PATL1: variants seen among roughly 807,000 people sequenced by gnomAD.
PATL1 encodes protein PAT1 homolog 1.
A neutral mutation model predicts 100.6 loss-of-function variants in PATL1; 32 were observed. The observed-to-expected ratio is 0.32, with a 90% CI of 0.24 to 0.43. The LOEUF is 0.43. PATL1 is among the 20% of genes least tolerant of loss of function. PATL1 has a pLI of 1.00. For missense variants in PATL1, 747 were observed against 949.9 expected, an observed-to-expected ratio of 0.79 and a Z score of 2.81; for synonymous variants, 332 against 330.0, an observed-to-expected ratio of 1.01 and a Z score of -0.07.
chr11:59,652,457 A>C lies in PATL1; in HGVS notation c.1426+7T>G, dbSNP rs1164208299. 1 of 1,604,512 alleles carries C rather than the reference A, an allele frequency of 6.2e-7. No homozygotes were observed. Among genetic ancestry groups the C allele is most frequent in the African/African-American group, 1.3e-5 (1 of 74,192 alleles). On this transcript the variant is annotated splice_region_variant and intron_variant, in intron 11 of 18. Coordinates refer to ENST00000300146, the MANE Select transcript of PATL1 (RefSeq NM_152716.3). ...TATTATGGGCATTTTTCTTATGAGGACCTTACCTGGCTTATAGGCGTGCTC... is the reference window on the plus strand; with the variant it reads ...TATTATGGGCATTTTTCTTATGAGGCCCTTACCTGGCTTATAGGCGTGCTC...
At chr11:59,666,757 T>C in intron 2 of PATL1, 96 bp downstream of exon 2, 2 of 1,286,918 alleles carry the variant, frequency 1.6e-6, no homozygotes, top group South Asian at 1.6e-5. Flanking sequence ...AGTTAGTGAA[T>C]AAGGTTACCC....
intron 2 of PATL1, 139 bp from the exon 3 acceptor site, chr11:59,659,608 C>T (rs974648376): frequency 1.0e-4 from 77 of 741,456 alleles, no homozygotes; most frequent in Non-Finnish European, 1.4e-4. Context: ...CTCGGCTCAC[C>T]GCAACCTCCA....
Position 59,658,916 on chromosome 11 carries a change from A to C in PATL1, c.376T>G (p.Trp126Gly). ...PQPGSLNSSI[W>G]DGSEVLRRIR... ...CGCCTCAGAACTTCAGATCCATCCC[A>C]GATACTGGAATTCAGACTTCCTGGT... The change falls in exon 4 of 19, where the codon TGG becomes GGG. Residue 126 changes from tryptophan to glycine, a missense_variant. By Grantham distance (184) the Trp-to-Gly change is radical. Transcript: ENST00000300146. 1 of 1,550,370 alleles carries C rather than the reference A, an allele frequency of 6.5e-7. No individual in the cohort carries two copies. The highest frequency in any genetic ancestry group is 8.7e-7 in the Non-Finnish European group (1 of 1,146,706).
rs1861487020 is a variant in PATL1 at position 59,654,082 on chromosome 11, A to G, written c.1032-10T>C. 1 of 1,608,046 alleles carries G rather than the reference A, an allele frequency of 6.2e-7. No homozygotes were observed. The highest frequency in any genetic ancestry group is 8.5e-7 in the Non-Finnish European group (1 of 1,174,576). ...CATTGGGGCCTGAGATCTAAGAAAAACGGAAAAGAGGTTCTCAGTTTGGTC... is the reference window on the plus strand; with the variant it reads ...CATTGGGGCCTGAGATCTAAGAAAAGCGGAAAAGAGGTTCTCAGTTTGGTC... On this transcript the variant is annotated splice_polypyrimidine_tract_variant and intron_variant, in intron 8 of 18. Transcript: ENST00000300146.
At position 59,652,064 on chromosome 11, in the gene PATL1, C is replaced by CAAAAAAAAAAAAAAAAAAAAAAAAAAA. The variant is rs748019832; in HGVS notation, c.1426+373_1426+399dup. Among the ~76,000 whole-genome samples the CAAAAAAAAAAAAAAAAAAAAAAAAAAA allele has an allele frequency of 9.1e-4, 48 of 52,994 alleles. 3 individuals are homozygous for CAAAAAAAAAAAAAAAAAAAAAAAAAAA. The highest frequency in any genetic ancestry group is 1.5e-3 in the Admixed American group (4 of 2,758). 34.8% of individuals were successfully genotyped at this position (52,994 alleles called of 152,430 possible). A position where few individuals can be genotyped will look rare whatever the true frequency, so the allele number is the denominator to read the frequency against. ...TGGACAACAGAGTAAGGCTCTTTCT[C>CAAAAAAAAAAAAAAAAAAAAAAAAAAA]AAAAAAAAAAAAAAAAAAAAAAAAA... is the stretch of plus-strand genomic sequence containing the variant. On this transcript the variant is annotated intron_variant, in intron 11 of 18. Coordinates refer to ENST00000300146, the MANE Select transcript of PATL1 (RefSeq NM_152716.3).
chr11:59,653,911 A>G (rs1861483998), intron 9 of PATL1, 72 bp downstream of exon 9: 10 of 1,340,062 alleles, frequency 7.5e-6, no homozygotes, highest in Non-Finnish European at 1.1e-5. Context: ...AAACAACTAA[A>G]TAGCATGTTG....
intron 1 of PATL1, among the ~76,000 whole-genome samples, 161 bp downstream of exon 1, chr11:59,668,720 G>A (rs1385833223): frequency 6.6e-6 from 1 of 152,090 alleles, no homozygotes; most frequent in African/African-American, 2.4e-5. Flanking sequence ...CCAGCCCTAG[G>A]ATTAGACCCG....
rs766559124 is a variant in PATL1 at position 59,650,792 on chromosome 11, G to T, written c.1546C>A (p.Arg516=). The T allele has an allele frequency of 5.1e-6, 8 of 1,554,904 alleles. No homozygotes were observed. The Middle Eastern group carries it at 6.7e-4, about 130-fold the overall frequency. ...EDDETKEKQV[R]DKRRKTLVII... is the part of the protein sequence containing the mutation. ...ACAAGGGTTTTTCTCCTCTTGTCTC[G>T]AACTTGTTTTTCTTTTGTCTCCTAA... Residue 516 remains arginine, a synonymous_variant, in exon 13 of 19, where the codon CGA becomes AGA. Coordinates refer to ENST00000300146, the MANE Select transcript of PATL1 (RefSeq NM_152716.3).
chr11:59,657,844 A>T (rs1861558783), intron 4 of PATL1, 120 bp from the exon 5 acceptor site: 1 of 816,870 alleles, frequency 1.2e-6, no homozygotes, highest in African/African-American at 1.7e-5. Context: ...TTTTTAATTC[A>T]CATATAGTAA....
intron 9 of PATL1, among the ~76,000 whole-genome samples, chr11:59,653,295 G>C (rs1188989328): frequency 6.6e-6 from 1 of 152,054 alleles, no homozygotes; most frequent in Non-Finnish European, 1.5e-5. Flanking sequence ...AACTCTGTGA[G>C]GTAGGTAGTT....
chr11:59,647,703 C>T, intron 15 of PATL1, 51 bp downstream of exon 15: 8 of 1,576,266 alleles, frequency 5.1e-6, no homozygotes, highest in Middle Eastern at 2.0e-4. Flanking sequence ...TTCTAGAAAT[C>T]TTATCACTTA....
intron 16 of PATL1, among the ~76,000 whole-genome samples, chr11:59,641,518 C>T (rs549875397): frequency 6.6e-6 from 1 of 152,052 alleles, no homozygotes; most frequent in Non-Finnish European, 1.5e-5. Flanking sequence ...TTTGGGAGGT[C>T]GAGGCAGGCT....
rs59164990 is a variant in PATL1 at position 59,652,428 on chromosome 11, C to A, written c.1426+36G>T. On this transcript the variant is annotated intron_variant, in intron 11 of 18. Transcript: ENST00000300146. ...ATCACATCAGCAGCTTCTCAAATTT[C>A]TTTTATTATGGGCATTTTTCTTATG... 1.3e-3 allele frequency: 2,045 copies of A among 1,582,272 alleles called. 24 individuals carry two copies. In the African/African-American group the frequency reaches 0.023, roughly 18 times the overall value.
chr11:59,662,621 G>A (rs910959156), intron 2 of PATL1, among the ~76,000 whole-genome samples: 7 of 152,156 alleles, frequency 4.6e-5, no homozygotes, highest in Admixed American at 3.9e-4. Context: ...GCTGGGACAG[G>A]ATAAATTGTT....
At position 59,637,149 on chromosome 11, in the gene PATL1, AAATT is replaced by A; in HGVS notation, c.*1237_*1240del. ...GCAGAAAGATCACGAAGGCCATGTAAAATTAATTCAGATTTAATTTTCTTCAGGG... is the reference window on the plus strand; with the variant it reads ...GCAGAAAGATCACGAAGGCCATGTAAAATTCAGATTTAATTTTCTTCAGGG... On this transcript the variant is annotated 3_prime_UTR_variant, in exon 19 of 19. Transcript: ENST00000300146. The A allele has an allele frequency of 6.5e-6, 1 of 152,698 alleles. No individual in the cohort carries two copies. The highest frequency in any genetic ancestry group is 6.5e-5 in the Admixed American group (1 of 15,292). 9.5% of individuals were successfully genotyped at this position (152,698 alleles called of 1,614,324 possible).
At chr11:59,649,417 G>T (rs1347226705) in intron 14 of PATL1, 45 bp downstream of exon 14, 1 of 1,599,154 alleles carries the variant, frequency 6.3e-7, no homozygotes, top group Admixed American at 1.7e-5. Context: ...TTATGACAGA[G>T]GAAGGAGTCC....
chr11:59,651,544 A>C lies in PATL1; in HGVS notation c.1524T>G (p.Asp508Glu). ...DAVVTSRSED[D>E]ETKEKQVRDK... ...AACAGACAATTGTGTTGACACTTAC[A>C]TCATCCTCACTCCGAGATGTCACAA... Residue 508 changes from aspartate to glutamate, a missense_variant and splice_region_variant, in exon 12 of 19, where the codon GAT becomes GAG. Physicochemically the swap from Asp to Glu is conservative, Grantham distance 45. Transcript: ENST00000300146. The C allele has an allele frequency of 6.2e-7, 1 of 1,604,472 alleles. No homozygotes were observed. Among genetic ancestry groups the C allele is most frequent in the Non-Finnish European group, 8.5e-7 (1 of 1,172,858 alleles).
At chr11:59,656,678 C>A (rs1861540584) in intron 5 of PATL1, 78 bp from the exon 6 acceptor site, 1 of 1,242,082 alleles carries the variant, frequency 8.1e-7, no homozygotes, top group Non-Finnish European at 1.2e-6. Context: ...CCCTCAAGTA[C>A]TGGTAGAGAC....
In PATL1 at chr11:59,637,383, C is replaced by A. The variant is rs1016083534; in HGVS notation, c.*1007G>T. 1 of 152,608 alleles carries A rather than the reference C, an allele frequency of 6.6e-6. No homozygotes were observed. The highest frequency in any genetic ancestry group is 6.5e-5 in the Admixed American group (1 of 15,274). The allele number at this position is 152,608 out of a possible 1,614,324, so 9.5% of individuals were successfully genotyped here. A position where few individuals can be genotyped will look rare whatever the true frequency, so the allele number is the denominator to read the frequency against. ...AGACTAAAAAGCAAAGCAGGCCAAA[C>A]TTAGCTTCCATGGTTACATTTGGAA... On this transcript the variant is annotated 3_prime_UTR_variant, in exon 19 of 19. Transcript: ENST00000300146.
Sources: allele counts gnomAD v4.1 joint callset (sites outside exome capture counted in the v4.1 genomes callset), GRCh38; gene constraint gnomAD v4.1.1; transcripts MANE v1.5; gene names NCBI Gene and HGNC (gene_info 2026-07-23, HGNC 2026-07-21).